The following ODR4 variants were observed in gnomAD, a reference collection of about 807,000 sequenced individuals.
The protein encoded by ODR4 is protein odr-4 homolog.
Under a neutral mutation model 60.2 loss-of-function variants are expected in ODR4, and 47 were observed. The ratio of observed to expected loss-of-function variants is 0.78; its 90% CI spans 0.62 to 1.00. The LOEUF is 1.00. Among genes scored for constraint, ODR4 ranks in the 50% least tolerant of loss-of-function variants. The probability of loss-of-function intolerance (pLI) is 0.00; values close to 1 mark genes in which losing one functional copy is unlikely to be tolerated. For missense variants in ODR4, 488 were observed against 530.8 expected (o/e 0.92, Z 0.79); for synonymous variants, 178 against 175.5 (o/e 1.01, Z -0.11).
chr1:186,398,876 A>T (rs1571682370), intron 10 of ODR4, 78 bp from the exon 11 acceptor site: 28 of 1,057,176 alleles, frequency 2.6e-5, no homozygotes, highest in Non-Finnish European at 3.8e-5. Flanking sequence ...AAAGCAAATT[A>T]TTTTTTTTGT....
chr1:186,430,387 G>C, the ODR4 span, among the ~76,000 whole-genome samples: 1 of 152,026 alleles, frequency 6.6e-6, no homozygotes, highest in Non-Finnish European at 1.5e-5. Context: ...TATTCAACTT[G>C]CTCAATTTGT....
intron 12 of ODR4, among the ~76,000 whole-genome samples, chr1:186,407,853 C>T (rs1255552903): frequency 6.6e-6 from 1 of 152,046 alleles, no homozygotes; most frequent in Non-Finnish European, 1.5e-5. Context: ...GGGTTCAAAA[C>T]CTCTGGTGTC....
the ODR4 span, among the ~76,000 whole-genome samples, chr1:186,426,686 A>G: frequency 1.3e-5 from 2 of 152,222 alleles, no homozygotes; most frequent in African/African-American, 2.4e-5. Context: ...GAAGTGGCAT[A>G]TGCTTGTAGA....
At chr1:186,396,289 G>A (rs1474667695) in intron 9 of ODR4, among the ~76,000 whole-genome samples, 1 of 152,120 alleles carries the variant, frequency 6.6e-6, no homozygotes, top group African/African-American at 2.4e-5. Context: ...CCACCTAAAA[G>A]GAATGAGTCA....
At chr1:186,399,990 C>CTTTTT (rs948511178) in intron 11 of ODR4, among the ~76,000 whole-genome samples, 24 of 112,068 alleles carry the variant, frequency 2.1e-4, no homozygotes, top group Middle Eastern at 5.3e-3. Flanking sequence ...TTTTTTTTTT[C>CTTTTT]TTTTTTTTTT....
the ODR4 span, among the ~76,000 whole-genome samples, chr1:186,429,716 TTATAA>T: frequency 6.6e-6 from 1 of 151,102 alleles, no homozygotes; most frequent in Non-Finnish European, 1.5e-5. Flanking sequence ...TCAAGCCCTA[TTATAA>T]TATAATGTCA....
intron 6 of ODR4, among the ~76,000 whole-genome samples, 158 bp from the exon 7 acceptor site, chr1:186,390,553 T>G (rs1268397995): frequency 6.6e-6 from 1 of 152,224 alleles, no homozygotes; most frequent in Non-Finnish European, 1.5e-5. Context: ...TATTTTGTGT[T>G]TAGTTCAACC....
Position 186,394,034 on chromosome 1 carries a change from C to G in ODR4, c.780+19C>G, listed in dbSNP as rs1215478160. The G allele has an allele frequency of 8.1e-7, 1 of 1,239,736 alleles. No homozygotes were observed. Among genetic ancestry groups the G allele is most frequent in the Admixed American group, 2.4e-5 (1 of 42,072 alleles). The allele number at this position is 1,239,736 out of a possible 1,614,324, so 76.8% of individuals were successfully genotyped here. A position where few individuals can be genotyped will look rare whatever the true frequency, so the allele number is the denominator to read the frequency against. On this transcript the variant is annotated intron_variant, in intron 9 of 13. Coordinates refer to ENST00000287859, the MANE Select transcript of ODR4 (RefSeq NM_017847.6). Reference sequence around the variant, plus strand: ...GCAGTTGGTAAATATTTTAAAATAACACTTAAAATATTTATTAGCATAACC... The same window carrying G: ...GCAGTTGGTAAATATTTTAAAATAAGACTTAAAATATTTATTAGCATAACC...
Position 186,419,315 on chromosome 1 carries a change from G to A in ODR4, c.*239G>A. ...TTATGCATCTAGATGGAAGCTGCAT[G>A]TAACAAATCATTATTATCTATTTTT... is the stretch of plus-strand genomic sequence containing the variant. On this transcript the variant is annotated 3_prime_UTR_variant, in exon 14 of 14. Coordinates refer to ENST00000287859, the MANE Select transcript of ODR4 (RefSeq NM_017847.6). The A allele has an allele frequency of 1.9e-6, 1 of 516,640 alleles. No homozygotes were observed. The highest frequency in any genetic ancestry group is 3.5e-6 in the Non-Finnish European group (1 of 289,228). The allele number at this position is 516,640 out of a possible 1,614,324, so 32.0% of individuals were successfully genotyped here. A position where few individuals can be genotyped will look rare whatever the true frequency, so the allele number is the denominator to read the frequency against.
At chr1:186,427,329 C>T in the ODR4 span, among the ~76,000 whole-genome samples, 45 of 152,264 alleles carry the variant, frequency 3.0e-4, 1 homozygote, top group African/African-American at 1.1e-3. Context: ...ATTCTGAATC[C>T]TTTGTTGTCA....
chr1:186,409,089 C>A (rs1661277503), intron 12 of ODR4, among the ~76,000 whole-genome samples: 2 of 151,732 alleles, frequency 1.3e-5, no homozygotes, highest in Non-Finnish European at 1.5e-5. Flanking sequence ...CATGGTGAAA[C>A]CCTGTCTCTA....
intron 9 of ODR4, 29 bp downstream of exon 9, chr1:186,394,044 A>T (rs1660574883): frequency 1.8e-6 from 2 of 1,137,982 alleles, no homozygotes; most frequent in East Asian, 5.1e-5. Context: ...CACTTAAAAT[A>T]TTTATTAGCA....
At chr1:186,408,930 A>G (rs1014664342) in intron 12 of ODR4, among the ~76,000 whole-genome samples, 1 of 152,064 alleles carries the variant, frequency 6.6e-6, no homozygotes, top group Non-Finnish European at 1.5e-5. Flanking sequence ...ATTTAATTTC[A>G]TGTTGTATGT....
At chr1:186,422,475 CAATT>C (rs201874569), downstream of ODR4, among the ~76,000 whole-genome samples, 66 of 152,096 alleles carry the variant, frequency 4.3e-4, no homozygotes, top group East Asian at 2.5e-3. Flanking sequence ...ATGTATTAAA[CAATT>C]AAAGAATATT....
Position 186,420,375 on chromosome 1 carries a change from AACAT to A in ODR4, c.*1300_*1303del, listed in dbSNP as rs1485252218. 1 of 152,230 alleles carries A rather than the reference AACAT, an allele frequency of 6.6e-6. No individual in the cohort carries two copies. Among genetic ancestry groups the A allele is most frequent in the African/African-American group, 2.4e-5 (1 of 41,462 alleles). 9.4% of individuals were successfully genotyped at this position (152,230 alleles called of 1,614,324 possible). A position where few individuals can be genotyped will look rare whatever the true frequency, so the allele number is the denominator to read the frequency against. ...TAGCTCCTGGCAGAAGCAAGAGGGAAACATTCCTAATTTAGTTCCAAGATTCCTA... is the reference window on the plus strand; with the variant it reads ...TAGCTCCTGGCAGAAGCAAGAGGGAATCCTAATTTAGTTCCAAGATTCCTA... On this transcript the variant is annotated 3_prime_UTR_variant, in exon 14 of 14. Coordinates refer to ENST00000287859, the MANE Select transcript of ODR4 (RefSeq NM_017847.6).
downstream of ODR4, among the ~76,000 whole-genome samples, chr1:186,425,659 G>A (rs1244321987): frequency 6.6e-6 from 1 of 152,148 alleles, no homozygotes; most frequent in Admixed American, 6.5e-5. Context: ...TCTACAAAAT[G>A]TGCTCATAAG....
the ODR4 span, among the ~76,000 whole-genome samples, chr1:186,433,122 A>C: frequency 6.6e-6 from 1 of 152,114 alleles, no homozygotes; most frequent in Non-Finnish European, 1.5e-5. Context: ...AATTTTTGGC[A>C]TGTGAATTCT....
chr1:186,379,472 G>A (rs936976962), intron 1 of ODR4, among the ~76,000 whole-genome samples: 2 of 138,758 alleles, frequency 1.4e-5, no homozygotes, highest in Non-Finnish European at 3.3e-5. Flanking sequence ...AAGAAATCTG[G>A]TGTGTTGCTT....
At chr1:186,387,853 A>T (rs1245198967) in intron 4 of ODR4, among the ~76,000 whole-genome samples, 2 of 152,190 alleles carry the variant, frequency 1.3e-5, no homozygotes, top group Non-Finnish European at 2.9e-5. Context: ...CTTATTTCTG[A>T]CACAAATTTA....
Sources: allele counts gnomAD v4.1 joint callset (sites outside exome capture counted in the v4.1 genomes callset), GRCh38; gene constraint gnomAD v4.1.1; transcripts MANE v1.5; gene names NCBI Gene and HGNC (gene_info 2026-07-23, HGNC 2026-07-21).